Variants in COBL observed in about 807,000 individuals in gnomAD.
COBL encodes cordon-bleu WH2 repeat protein, also known as protein cordon-bleu.
In COBL, 51 loss-of-function variants were observed where a neutral mutation model predicts 98.8. That is an observed-to-expected ratio of 0.52 (90% CI 0.41 to 0.65). The LOEUF (loss-of-function observed/expected upper bound fraction) is 0.65. Among genes scored for constraint, COBL ranks in the 30% least tolerant of loss-of-function variants. The pLI, the probability that COBL is intolerant of heterozygous loss-of-function variation, is 0.00. For missense variants in COBL, 1,617 were observed against 1,617.5 expected, an observed-to-expected ratio of 1.00 and a Z score of 0.01; for synonymous variants, 634 against 651.7, an observed-to-expected ratio of 0.97 and a Z score of 0.41.
intron 6 of COBL, among the ~76,000 whole-genome samples, chr7:51,111,504 T>C (rs1401743607): frequency 6.6e-6 from 1 of 152,178 alleles, no homozygotes; most frequent in Non-Finnish European, 1.5e-5. Context: ...GTGTGTGCAG[T>C]GTGGCATCCT....
chr7:51,123,916 A>G (rs1000022127), intron 6 of COBL, among the ~76,000 whole-genome samples: 3 of 152,218 alleles, frequency 2.0e-5, no homozygotes, highest in Non-Finnish European at 2.9e-5. Context: ...ACTCTCTTGG[A>G]TTGAATCAGC....
intron 6 of COBL, among the ~76,000 whole-genome samples, chr7:51,107,199 A>C (rs1218181526): frequency 6.9e-6 from 1 of 145,012 alleles, no homozygotes; most frequent in African/African-American, 2.6e-5. Context: ...GGTTCAAGTG[A>C]TTCTCCTGCC....
chr7:51,313,430 T>C (rs993062596), intron 1 of COBL, among the ~76,000 whole-genome samples: 49 of 152,336 alleles, frequency 3.2e-4, no homozygotes, highest in African/African-American at 1.2e-3. Flanking sequence ...AATAACTTGA[T>C]TAAATAAATA....
chr7:51,078,856 G>A (rs1227863404), intron 7 of COBL, among the ~76,000 whole-genome samples: 1 of 152,246 alleles, frequency 6.6e-6, no homozygotes, highest in Non-Finnish European at 1.5e-5. Context: ...CTGGCAGTTG[G>A]CTGAAGTCTC....
intron 2 of COBL, among the ~76,000 whole-genome samples, chr7:51,216,083 G>A (rs891283496): frequency 6.6e-6 from 1 of 152,194 alleles, no homozygotes; most frequent in African/African-American, 2.4e-5. Context: ...CCTAGCCCTT[G>A]GCCTTGAACA....
At chr7:51,277,822 C>A (rs974611131) in intron 1 of COBL, among the ~76,000 whole-genome samples, 1 of 152,150 alleles carries the variant, frequency 6.6e-6, no homozygotes, top group African/African-American at 2.4e-5. Context: ...TCAAGAGGCA[C>A]AGCAGATGGA....
At chr7:51,193,810 A>G (rs1177508056) in intron 2 of COBL, among the ~76,000 whole-genome samples, 1 of 152,248 alleles carries the variant, frequency 6.6e-6, no homozygotes. Context: ...GAGAAAAATC[A>G]TAATTAATAG....
chr7:51,089,378 G>A (rs1044087209), intron 6 of COBL, among the ~76,000 whole-genome samples: 5 of 151,982 alleles, frequency 3.3e-5, no homozygotes, highest in Non-Finnish European at 5.9e-5. Context: ...AGCCAGGCGT[G>A]GTGGCGGGCA....
intron 1 of COBL, among the ~76,000 whole-genome samples, chr7:51,231,821 G>C (rs920854750): frequency 6.6e-6 from 1 of 152,192 alleles, no homozygotes; most frequent in Non-Finnish European, 1.5e-5. Context: ...AAGAGCATGT[G>C]GCACCAGACC....
At chr7:51,046,618 C>A (rs569158210) in intron 7 of COBL, among the ~76,000 whole-genome samples, 29 of 152,290 alleles carry the variant, frequency 1.9e-4, no homozygotes, top group African/African-American at 7.0e-4. Context: ...GATAATGGTG[C>A]AGGAGACTTT....
Position 51,188,368 on chromosome 7 carries a change from C to A in COBL, c.685+2482G>T, listed in dbSNP as rs1052996472. ...GGCTCCTCCAGCAGTACCCAGCAGG[C>A]CTGCCCAGGGCGGTTGTAGGGGAGA... On this transcript the variant is annotated intron_variant, in intron 4 of 12. Coordinates refer to ENST00000265136, the MANE Select transcript of COBL (RefSeq NM_015198.5). Among the ~76,000 whole-genome samples, 4 of 152,348 alleles carry A rather than the reference C, an allele frequency of 2.6e-5. 1 individual carries two copies. In the South Asian group the frequency reaches 8.3e-4, roughly 32 times the overall value.
At chr7:51,117,319 AAT>A (rs113663781) in intron 6 of COBL, among the ~76,000 whole-genome samples, 9,277 of 151,974 alleles carry the variant, frequency 0.061, 345 homozygotes, top group Middle Eastern at 0.16. Context: ...TTCTGGAGTC[AAT>A]AGAGTCCCAG....
chr7:51,101,416 A>G (rs575364685), intron 6 of COBL, among the ~76,000 whole-genome samples: 6 of 152,200 alleles, frequency 3.9e-5, no homozygotes, highest in African/African-American at 1.4e-4. Flanking sequence ...TAATTTTACT[A>G]TATCTATTTT....
chr7:51,050,200 A>C (rs1387589952), intron 7 of COBL, among the ~76,000 whole-genome samples: 1 of 152,198 alleles, frequency 6.6e-6, no homozygotes, highest in Non-Finnish European at 1.5e-5. Flanking sequence ...TTATGGATCT[A>C]AAATTAGACC....
At chr7:51,086,406 T>C (rs1049926875) in intron 6 of COBL, among the ~76,000 whole-genome samples, 1 of 145,930 alleles carries the variant, frequency 6.9e-6, no homozygotes, top group Non-Finnish European at 1.5e-5. Flanking sequence ...GTGACTATCA[T>C]ATGACAAGAG....
At position 51,140,553 on chromosome 7, in the gene COBL, G is replaced by GTA. The variant is rs528297931; in HGVS notation, c.784-4224_784-4223dup. Among the ~76,000 whole-genome samples the GTA allele has an allele frequency of 2.6e-3, 400 of 152,106 alleles. 15 individuals are homozygous for GTA. The South Asian group carries it at 0.075, about 28-fold the overall frequency. ...TATGTATGCATGGGTGTGTGTGTGC[G>GTA]TATATATATATGTACATATTTGATT... On this transcript the variant is annotated intron_variant, in intron 5 of 12. Coordinates refer to ENST00000265136, the MANE Select transcript of COBL (RefSeq NM_015198.5).
intron 5 of COBL, among the ~76,000 whole-genome samples, chr7:51,168,151 G>T (rs934165315): frequency 3.9e-5 from 6 of 152,112 alleles, no homozygotes; most frequent in African/African-American, 1.4e-4. Context: ...GAAAACACTT[G>T]CAAACTACTC....
In COBL at chr7:51,028,097, C is replaced by G. The variant is rs1244276814; in HGVS notation, c.2999G>C (p.Ser1000Thr). The change falls in exon 10 of 13, where the codon AGC becomes ACC. Residue 1000 changes from serine (S) to threonine (T), a missense_variant. By Grantham distance (58) the Ser-to-Thr change is moderately conservative. This residue lies in a region of COBL where 1,304 missense variants were observed against 1,282.0 expected (regional missense o/e 1.02). Coordinates refer to ENST00000265136, the MANE Select transcript of COBL (RefSeq NM_015198.5). ...GQSCGFSGKQ[S>T]TSSQEASSAS... ...TGAGCTGGCCTCCTGGCTACTTGTG[C>G]TTTGCTTTCCACTGAAACCACAGCT... 3 of 1,613,964 alleles carry G rather than the reference C, an allele frequency of 1.9e-6. No homozygotes were observed. In the African/African-American group the frequency reaches 4.0e-5, roughly 22 times the overall value.
chr7:51,041,719 G>C (rs1789219131), intron 8 of COBL, among the ~76,000 whole-genome samples: 1 of 151,828 alleles, frequency 6.6e-6, no homozygotes, highest in Admixed American at 6.6e-5. Flanking sequence ...CCTGACCTCA[G>C]GTGATCCGCC....
Sources: allele counts gnomAD v4.1 joint callset (sites outside exome capture counted in the v4.1 genomes callset), GRCh38; gene constraint gnomAD v4.1.1; regional missense constraint gnomAD v4.1.1; transcripts MANE v1.5; gene names NCBI Gene and HGNC (gene_info 2026-07-23, HGNC 2026-07-21).